SPG11: variants seen among roughly 807,000 people sequenced by gnomAD.
SPG11 encodes the protein spatacsin.
A neutral mutation model predicts 274.0 loss-of-function variants in SPG11; 222 were observed. The ratio of observed to expected loss-of-function variants is 0.81; its 90% confidence interval spans 0.73 to 0.91. The LOEUF (loss-of-function observed/expected upper bound fraction) is 0.91, where lower values mean the gene tolerates loss of function less well. Ranked by LOEUF, SPG11 falls within the 40% of genes least tolerant of loss-of-function variation. SPG11 has a pLI of 0.00. For synonymous variants in SPG11, 1,144 were observed against 1,039.7 expected (o/e 1.10, Z -1.93); for missense variants, 3,114 against 2,872.7 (o/e 1.08, Z -1.92).
intron 18 of SPG11, among the ~76,000 whole-genome samples, chr15:44,609,270 T>A (rs1418116752): frequency 6.6e-6 from 1 of 151,864 alleles, no homozygotes; most frequent in African/African-American, 2.4e-5. Flanking sequence ...TAGCTGGGAC[T>A]ACAGGCACCC....
intron 21 of SPG11, among the ~76,000 whole-genome samples, 194 bp from the exon 22 acceptor site, chr15:44,599,030 C>T (rs1330073613): frequency 6.6e-6 from 1 of 152,112 alleles, no homozygotes; most frequent in Non-Finnish European, 1.5e-5. Context: ...GGCCCAAGAG[C>T]CCCCCGCTTC....
In SPG11 at chr15:44,562,969, TTTC is replaced by T. The variant is rs1431406033; in HGVS notation, c.*149_*151del. ...TAAATAGGAATTTCCTCCTGAAAAG[TTTC>T]TTACTTGCTACCTACTACCCACAAA... On this transcript the variant is annotated 3_prime_UTR_variant, in exon 40 of 40. Transcript: ENST00000261866. 1 of 682,602 alleles carries T rather than the reference TTTC, an allele frequency of 1.5e-6. No individual in the cohort carries two copies. Among genetic ancestry groups the T allele is most frequent in the Non-Finnish European group, 2.5e-6 (1 of 403,144 alleles). 42.3% of individuals were successfully genotyped at this position (682,602 alleles called of 1,614,324 possible). A position where few individuals can be genotyped will look rare whatever the true frequency, so the allele number is the denominator to read the frequency against.
chr15:44,657,400 G>T, intron 3 of SPG11, 104 bp from the exon 4 acceptor site: 1 of 1,058,034 alleles, frequency 9.5e-7, no homozygotes, highest in Non-Finnish European at 1.4e-6. Flanking sequence ...CAATTTTGTA[G>T]GTATAACAGA....
intron 19 of SPG11, among the ~76,000 whole-genome samples, chr15:44,607,085 CAA>C (rs1391716425): frequency 6.6e-6 from 1 of 152,184 alleles, no homozygotes; most frequent in East Asian, 1.9e-4. Context: ...CTTCCTTCTT[CAA>C]AGTCTTGCTA....
chr15:44,577,374 G>A (rs2140935622), intron 30 of SPG11, among the ~76,000 whole-genome samples: 1 of 151,546 alleles, frequency 6.6e-6, no homozygotes, highest in East Asian at 2.0e-4. Context: ...ATGGTAGTGT[G>A]CACCTGTAGT....
chr15:44,651,817 T>C lies in SPG11; in HGVS notation c.1130A>G (p.His377Arg). The change falls in exon 6 of 40, where the codon CAC becomes CGC. Residue 377 changes from histidine (H) to arginine (R), a missense_variant. By Grantham distance (29) the His-to-Arg change is conservative. Coordinates refer to ENST00000261866, the MANE Select transcript of SPG11 (RefSeq NM_025137.4). The part of the protein sequence containing the change: ...LHLESPESGN[H>R]STSVQSWAFI... ...GGCCCAGCTCTGCACACTTGTACTG[T>C]GGTTACCAGATTCAGGTGACTCCAA... 1 of 1,614,166 alleles carries C rather than the reference T, an allele frequency of 6.2e-7. No homozygotes were observed. The highest frequency in any genetic ancestry group is 8.5e-7 in the Non-Finnish European group (1 of 1,180,022).
intron 21 of SPG11, among the ~76,000 whole-genome samples, chr15:44,599,747 A>G (rs774221290): frequency 1.3e-5 from 2 of 152,242 alleles, no homozygotes; most frequent in African/African-American, 2.4e-5. Context: ...AAGTAAATCT[A>G]TATTTAGCTG....
Position 44,629,337 on chromosome 15 carries a change from T to G in SPG11, c.1787A>C (p.Glu596Ala). 1 of 1,614,184 alleles carries G rather than the reference T, an allele frequency of 6.2e-7. No homozygotes were observed. The highest frequency in any genetic ancestry group is 8.5e-7 in the Non-Finnish European group (1 of 1,180,016). ...TTTGCTTTGGGGTTCAGAATAACTT[T>G]CTCTAATTGCCGAGCAAAGTAAATC... Reference protein sequence around the residue: ...ALDLLCSAIRESYSEPQSKHF... With the variant: ...ALDLLCSAIRASYSEPQSKHF... Residue 596 changes from glutamate to alanine, a missense_variant, in exon 9 of 40, where the codon GAA (glutamate) becomes GCA (alanine). Transcript: ENST00000261866.
Position 44,563,273 on chromosome 15 carries a change from C to G in SPG11, c.7180G>C (p.Val2394Leu). The G allele has an allele frequency of 6.2e-7, 1 of 1,613,770 alleles. No homozygotes were observed. Among genetic ancestry groups the G allele is most frequent in the Non-Finnish European group, 8.5e-7 (1 of 1,179,700 alleles). Reference sequence around the variant, plus strand: ...AGTAATTTCTTCAGGTTTTCCATGACCATGTCAGTAGGCTGATGTTGTTTA... The same window carrying G: ...AGTAATTTCTTCAGGTTTTCCATGAGCATGTCAGTAGGCTGATGTTGTTTA... ...KYKQHQPTDM[V>L]MENLKKLLTY... The change falls in exon 40 of 40, where the codon GTC becomes CTC. Residue 2394 changes from valine to leucine, a missense_variant. Transcript: ENST00000261866.
intron 7 of SPG11, among the ~76,000 whole-genome samples, chr15:44,639,796 A>G (rs2084387627): frequency 6.6e-6 from 1 of 152,174 alleles, no homozygotes; most frequent in South Asian, 2.1e-4. Context: ...CTATATAGAA[A>G]ACTCAATAAA....
Position 44,572,793 on chromosome 15 carries a change from T to G in SPG11, c.6233A>C (p.Glu2078Ala), listed in dbSNP as rs1302238562. 5 of 1,614,086 alleles carry G rather than the reference T, an allele frequency of 3.1e-6. No homozygotes were observed. In the South Asian group the frequency reaches 3.3e-5, roughly 11 times the overall value. Residue 2078 changes from glutamate to alanine, a missense_variant, in exon 33 of 40, where the codon GAG (glutamate) becomes GCG (alanine). Physicochemically the swap from Glu to Ala is moderately radical, Grantham distance 107. Transcript: ENST00000261866. ...TGHKQMFNPTEESQTFLQLTT... is the reference protein window; with the variant it reads ...TGHKQMFNPTAESQTFLQLTT... ...CAGCTGAAGAAATGTCTGGCTTTCC[T>G]CTGTTGGGTTGAACATCTGCTTATG...
chr15:44,656,984 C>A, intron 4 of SPG11, 111 bp downstream of exon 4: 1 of 906,714 alleles, frequency 1.1e-6, no homozygotes, highest in Non-Finnish European at 1.7e-6. Flanking sequence ...CATGATCTAA[C>A]TGAATAGAAA....
chr15:44,637,571 C>A (rs1181614929), intron 7 of SPG11, among the ~76,000 whole-genome samples: 1 of 152,126 alleles, frequency 6.6e-6, no homozygotes, highest in African/African-American at 2.4e-5. Flanking sequence ...ACCTCGGCCT[C>A]CCAAAGTGGA....
chr15:44,616,183 A>C (rs1186976216), intron 15 of SPG11, among the ~76,000 whole-genome samples: 1 of 149,488 alleles, frequency 6.7e-6, no homozygotes, highest in Admixed American at 6.7e-5. Context: ...CACTATCTTG[A>C]CTTTTATGAT....
At chr15:44,579,831 C>T (rs2140940297) in intron 30 of SPG11, among the ~76,000 whole-genome samples, 1 of 152,248 alleles carries the variant, frequency 6.6e-6, no homozygotes, top group African/African-American at 2.4e-5. Flanking sequence ...CAGTGAGGAT[C>T]CTGTAAGATT....
chr15:44,565,854 C>T lies in SPG11; in HGVS notation c.6999G>A (p.Gln2333=). ...GGCTACAGTTTGCTTTCTTGCTCAC[C>T]TGGTAGAACCGAGGTAGGGCCAGAA... ...DCILALPRFY[Q]ASIVAEAYDF... The change falls in exon 38 of 40, where the codon CAG becomes CAA. Residue 2333 remains glutamine, a splice_region_variant and synonymous_variant. Transcript: ENST00000261866. 6.2e-7 allele frequency: 1 copy of T among 1,614,064 alleles called. No homozygotes were observed. Among genetic ancestry groups the T allele is most frequent in the East Asian group, 2.2e-5 (1 of 44,874 alleles).
intron 6 of SPG11, 106 bp from the exon 7 acceptor site, chr15:44,649,117 ATATATT>A (rs1415445923): frequency 2.5e-5 from 21 of 835,730 alleles, no homozygotes; most frequent in Non-Finnish European, 3.7e-5. Context: ...ATAATTACAA[ATATATT>A]TATATTTACT....
At position 44,633,743 on chromosome 15, in the gene SPG11, A is replaced by G. The variant is rs1409279994; in HGVS notation, c.1603-106T>C. 12 of 1,196,622 alleles carry G rather than the reference A, an allele frequency of 1.0e-5. No homozygotes were observed. The East Asian group carries it at 3.1e-4, about 30-fold the overall frequency. 74.1% of individuals were successfully genotyped at this position (1,196,622 alleles called of 1,614,324 possible). On this transcript the variant is annotated intron_variant, in intron 7 of 39. Transcript: ENST00000261866. ...TTAGAATTTAATGTGGTGAGACTAC[A>G]GGAGGCAAAAGACTGCATGAGTACA...
In SPG11 at chr15:44,567,528, T is replaced by C; in HGVS notation, c.6650A>G (p.Lys2217Arg). 1 of 1,614,034 alleles carries C rather than the reference T, an allele frequency of 6.2e-7. No individual in the cohort carries two copies. The highest frequency in any genetic ancestry group is 8.5e-7 in the Non-Finnish European group (1 of 1,180,002). The change falls in exon 36 of 40, where the codon AAG becomes AGG. Residue 2217 changes from lysine to arginine, a missense_variant. Transcript: ENST00000261866. ...GAAGCACAGGGCAATCATATTGTGC[T>C]TTTCACTGTCTCCAGGACGGCAGCG... ...IKRCRPGDSE[K>R]HNMIALCFSM...
Sources: allele counts gnomAD v4.1 joint callset (sites outside exome capture counted in the v4.1 genomes callset), GRCh38; gene constraint gnomAD v4.1.1; transcripts MANE v1.5; gene names NCBI Gene and HGNC (gene_info 2026-07-23, HGNC 2026-07-21).